The following RPL39L variants were observed in gnomAD, a reference collection of about 807,000 sequenced individuals.
RPL39L encodes ribosomal protein eL39-like 2.
For synonymous variants in RPL39L, 16 were observed against 20.1 expected, an observed-to-expected ratio of 0.80 and a Z score of 0.55; for missense variants, 48 against 58.9, an observed-to-expected ratio of 0.81 and a Z score of 0.61.
chr3:187,122,311 T>C (rs1447656713), intron 2 of RPL39L, among the ~76,000 whole-genome samples: 1 of 152,188 alleles, frequency 6.6e-6, no homozygotes, highest in Non-Finnish European at 1.5e-5. Flanking sequence ...GTGAGAGTAA[T>C]TACATGATGG....
chr3:187,134,510 C>T (rs1313834358), intron 1 of RPL39L, among the ~76,000 whole-genome samples: 1 of 132,484 alleles, frequency 7.5e-6, no homozygotes, highest in Non-Finnish European at 1.5e-5. Context: ...AAAGAAGACA[C>T]AAATTACCAA....
intron 2 of RPL39L, among the ~76,000 whole-genome samples, chr3:187,123,765 C>G (rs1192865281): frequency 6.6e-6 from 1 of 152,152 alleles, no homozygotes; most frequent in African/African-American, 2.4e-5. Flanking sequence ...TAAAGAACTA[C>G]AGTAGGACAA....
chr3:187,136,474 G>A (rs769763740), intron 1 of RPL39L, among the ~76,000 whole-genome samples: 8 of 152,226 alleles, frequency 5.3e-5, no homozygotes, highest in Non-Finnish European at 8.8e-5. Flanking sequence ...ACAGCTGAGG[G>A]AAGTTTGAGC....
At chr3:187,137,362 T>C (rs1293237088) in intron 1 of RPL39L, among the ~76,000 whole-genome samples, 3 of 149,694 alleles carry the variant, frequency 2.0e-5, no homozygotes, top group South Asian at 4.2e-4. Context: ...TACAAAATAA[T>C]TAGACAGCGT....
At chr3:187,135,335 C>T (rs534606611) in intron 1 of RPL39L, among the ~76,000 whole-genome samples, 18 of 152,296 alleles carry the variant, frequency 1.2e-4, no homozygotes, top group Middle Eastern at 3.4e-3. Flanking sequence ...ACAACTCCCA[C>T]GTGTCGTGGG....
intron 1 of RPL39L, among the ~76,000 whole-genome samples, chr3:187,133,589 T>G (rs1330484055): frequency 6.6e-6 from 1 of 151,992 alleles, no homozygotes; most frequent in Non-Finnish European, 1.5e-5. Context: ...CCCAGACCTT[T>G]CCTTACCCAA....
intron 2 of RPL39L, among the ~76,000 whole-genome samples, chr3:187,121,993 C>T (rs1397923379): frequency 6.6e-6 from 1 of 152,096 alleles, no homozygotes; most frequent in Non-Finnish European, 1.5e-5. Flanking sequence ...AAAATAGAAA[C>T]CTATAAAACA....
At chr3:187,121,889 C>A (rs1450486574) in intron 2 of RPL39L, among the ~76,000 whole-genome samples, 1 of 151,996 alleles carries the variant, frequency 6.6e-6, no homozygotes, top group Non-Finnish European at 1.5e-5. Flanking sequence ...CCTTTTTTGG[C>A]AACTCTTTCT....
At chr3:187,136,354 A>G (rs541681468) in intron 1 of RPL39L, among the ~76,000 whole-genome samples, 2 of 152,334 alleles carry the variant, frequency 1.3e-5, no homozygotes, top group African/African-American at 4.8e-5. Flanking sequence ...CCCTGATGAC[A>G]TCTTTCTTCC....
chr3:187,135,852 T>A (rs1450684620), intron 1 of RPL39L, among the ~76,000 whole-genome samples: 2 of 152,264 alleles, frequency 1.3e-5, no homozygotes, highest in Non-Finnish European at 2.9e-5. Flanking sequence ...AGGCATCTGA[T>A]GCTTTAACTC....
intron 2 of RPL39L, 44 bp from the exon 3 acceptor site, chr3:187,121,372 T>A (rs187852759): frequency 1.3e-6 from 2 of 1,531,950 alleles, no homozygotes; most frequent in East Asian, 4.5e-5. Context: ...AATATTACCA[T>A]AGGATAGGAT....
At chr3:187,128,104 C>A (rs1720427889) in intron 1 of RPL39L, 42 bp from the exon 2 acceptor site, 1 of 152,144 alleles carries the variant, frequency 6.6e-6, no homozygotes, top group Non-Finnish European at 1.5e-5. Flanking sequence ...ACAGTAAGAT[C>A]CTACTATTTT....
intron 2 of RPL39L, among the ~76,000 whole-genome samples, chr3:187,122,080 G>C (rs1355990671): frequency 6.6e-6 from 1 of 152,034 alleles, no homozygotes; most frequent in Non-Finnish European, 1.5e-5. Context: ...ACTATCTCAC[G>C]GTACTTTCAT....
intron 1 of RPL39L, among the ~76,000 whole-genome samples, chr3:187,132,332 GA>G (rs1319321754): frequency 1.3e-5 from 2 of 151,774 alleles, no homozygotes; most frequent in South Asian, 4.2e-4. Flanking sequence ...GATTTTTTTT[GA>G]AAAAAGTTTT....
At chr3:187,122,665 T>G (rs1396958133) in intron 2 of RPL39L, among the ~76,000 whole-genome samples, 1 of 152,172 alleles carries the variant, frequency 6.6e-6, no homozygotes, top group Non-Finnish European at 1.5e-5. Context: ...TTACTAGGTA[T>G]CTCTCTCAAT....
intron 2 of RPL39L, among the ~76,000 whole-genome samples, chr3:187,122,260 T>G (rs546517919): frequency 6.6e-6 from 1 of 152,358 alleles, no homozygotes; most frequent in Admixed American, 6.5e-5. Context: ...AGTAGTTATT[T>G]TTAATGATTC....
rs371869098 is a variant in RPL39L at position 187,135,464 on chromosome 3, GCT to G, written c.-93+3747_-93+3748del. On this transcript the variant is annotated intron_variant, in intron 1 of 2. Transcript: ENST00000296277. ...TAAAAATGGAAGTCTCCCTGCACAA[GCT>G]CTCTGTTTGCCTGCTGTCATCCATG... is the stretch of plus-strand genomic sequence containing the variant. Among the ~76,000 whole-genome samples, 1,090 of 152,302 alleles carry G rather than the reference GCT, an allele frequency of 7.2e-3. 13 individuals carry two copies. Among genetic ancestry groups the G allele is most frequent in the African/African-American group, 0.023 (956 of 41,568 alleles).
At chr3:187,125,309 G>C (rs1720379379) in intron 2 of RPL39L, among the ~76,000 whole-genome samples, 1 of 152,164 alleles carries the variant, frequency 6.6e-6, no homozygotes, top group African/African-American at 2.4e-5. Context: ...GAAAATAATG[G>C]TGGCATCATA....
intron 2 of RPL39L, among the ~76,000 whole-genome samples, chr3:187,122,589 A>T (rs960729439): frequency 6.6e-6 from 1 of 152,176 alleles, no homozygotes; most frequent in African/African-American, 2.4e-5. Flanking sequence ...GCAGGCAGGA[A>T]GAAGAGAAAG....
Sources: gnomAD v4.1 joint callset for allele counts (sites outside exome capture counted in the v4.1 genomes callset) on GRCh38, gnomAD v4.1.1 for gene constraint, MANE v1.5 for transcripts, NCBI Gene and HGNC (gene_info 2026-07-23, HGNC 2026-07-21) for gene names.